The following ANKDD1B variants were observed in gnomAD, a reference collection of about 807,000 sequenced individuals.
The protein encoded by ANKDD1B is ankyrin repeat and death domain containing 1B, also known as ankyrin repeat and death domain-containing protein 1B.
ANKDD1B carries 57 observed loss-of-function variants against 59.7 expected under a neutral mutation model. The observed-to-expected ratio is 0.95, with a 90% CI of 0.77 to 1.19. The LOEUF is 1.19. ANKDD1B is among the 50% of genes most tolerant of loss of function. The pLI is 0.00. For synonymous variants in ANKDD1B, 216 were observed against 239.5 expected (o/e 0.90, Z 0.91); for missense variants, 602 against 641.9 (o/e 0.94, Z 0.67).
intron 5 of ANKDD1B, among the ~76,000 whole-genome samples, chr5:75,627,359 A>G (rs1055185131): frequency 6.6e-6 from 1 of 152,188 alleles, no homozygotes; most frequent in Non-Finnish European, 1.5e-5. Flanking sequence ...TCTTATGTAA[A>G]AGTACCTATG....
intron 8 of ANKDD1B, among the ~76,000 whole-genome samples, chr5:75,653,620 T>C (rs968060757): frequency 3.9e-5 from 6 of 152,244 alleles, no homozygotes; most frequent in Non-Finnish European, 7.3e-5. Flanking sequence ...TCACTGAATG[T>C]TCTTGTTTTT....
At position 75,625,674 on chromosome 5, in the gene ANKDD1B, G is replaced by A. The variant is rs1417829672; in HGVS notation, c.424G>A (p.Ala142Thr). The change falls in exon 4 of 14, where the codon GCC (alanine) becomes ACC (threonine). Residue 142 changes from alanine (A) to threonine (T), a missense_variant. This residue lies in a region of ANKDD1B where 317 missense variants were observed against 304.6 expected (regional missense o/e 1.04). Transcript: ENST00000601380. ...CGGCTTGACAGTAATTCACCTTGCA[G>A]CCTGGTCTGGGAGCCTTGAGGTCAT... ...KHGLTVIHLA[A>T]WSGSLEVMLM... 6.5e-7 allele frequency: 1 copy of A among 1,536,500 alleles called. No individual in the cohort carries two copies. Among genetic ancestry groups the A allele is most frequent in the East Asian group, 2.4e-5 (1 of 40,908 alleles).
intron 5 of ANKDD1B, among the ~76,000 whole-genome samples, chr5:75,628,347 C>G (rs1337843153): frequency 6.6e-6 from 1 of 152,140 alleles, no homozygotes. Flanking sequence ...CTGAGCTATA[C>G]ACTTAATAAT....
chr5:75,617,449 G>T (rs1288759766), intron 2 of ANKDD1B, among the ~76,000 whole-genome samples: 7 of 152,122 alleles, frequency 4.6e-5, no homozygotes, highest in Admixed American at 2.0e-4. Flanking sequence ...TTAAGTGCCG[G>T]GTTTTAGCGG....
In ANKDD1B at chr5:75,611,690, T is replaced by C; in HGVS notation, c.56T>C (p.Leu19Pro). The C allele has an allele frequency of 1.6e-6, 2 of 1,227,302 alleles. No individual in the cohort carries two copies. The highest frequency in any genetic ancestry group is 3.1e-4 in the Middle Eastern group (1 of 3,200). The allele number at this position is 1,227,302 out of a possible 1,614,324, so 76.0% of individuals were successfully genotyped here. A position where few individuals can be genotyped will look rare whatever the true frequency, so the allele number is the denominator to read the frequency against. Residue 19 changes from leucine (L) to proline (P), a missense_variant, in exon 1 of 14, where the codon CTC (leucine) becomes CCC (proline). This residue lies in a region of ANKDD1B where 317 missense variants were observed against 304.6 expected (regional missense o/e 1.04). Transcript: ENST00000601380. ...GGGGCCACGGCAGGGGGGCTGCTGC[T>C]CCGGGCTGCTGCGGCCGCCAAGGGT... The part of the protein sequence containing the change: ...GQGATAGGLL[L>P]RAAAAAKGLR...
chr5:75,617,124 C>T (rs1773735841), intron 2 of ANKDD1B, among the ~76,000 whole-genome samples: 1 of 152,098 alleles, frequency 6.6e-6, no homozygotes, highest in African/African-American at 2.4e-5. Flanking sequence ...AAGGGGAGTG[C>T]ACAGAATCTT....
chr5:75,622,090 T>C (rs970782904), intron 3 of ANKDD1B, among the ~76,000 whole-genome samples: 4 of 152,232 alleles, frequency 2.6e-5, no homozygotes, highest in Non-Finnish European at 5.9e-5. Context: ...ATGGTGAGCC[T>C]TGAGTTTGAC....
In ANKDD1B at chr5:75,671,281, A is replaced by T. The variant is rs1022156444; in HGVS notation, c.*241A>T. Reference sequence around the variant, plus strand: ...CCCATTTCTATCAATCATTTGATGTAATCCATGTAATAAGATAATCTAGGA... The same window carrying T: ...CCCATTTCTATCAATCATTTGATGTTATCCATGTAATAAGATAATCTAGGA... On this transcript the variant is annotated 3_prime_UTR_variant, in exon 14 of 14. Coordinates refer to ENST00000601380, the MANE Select transcript of ANKDD1B (RefSeq NM_001276713.2). 3.2e-6 allele frequency: 1 copy of T among 309,154 alleles called. No homozygotes were observed. Among genetic ancestry groups the T allele is most frequent in the Admixed American group, 5.0e-5 (1 of 19,984 alleles). The allele number at this position is 309,154 out of a possible 1,614,324, so 19.2% of individuals were successfully genotyped here. A position where few individuals can be genotyped will look rare whatever the true frequency, so the allele number is the denominator to read the frequency against.
In ANKDD1B at chr5:75,670,985, CTCG is replaced by C. The variant is rs1775463238; in HGVS notation, c.1535_1537del (p.Arg512del). 5.7e-6 allele frequency: 7 copies of C among 1,225,820 alleles called. No homozygotes were observed. In the Admixed American group the frequency reaches 1.7e-4, roughly 30 times the overall value. The allele number at this position is 1,225,820 out of a possible 1,614,324, so 75.9% of individuals were successfully genotyped here. On this transcript the variant is annotated inframe_deletion, in exon 14 of 14. Transcript: ENST00000601380. ...GTTATCTTATTTTTTCCAGAAAAGA[CTCG>C]TCATTTCAAAAGCAAAACTGACTCA...
intron 2 of ANKDD1B, among the ~76,000 whole-genome samples, chr5:75,617,168 G>A (rs1773736823): frequency 6.6e-6 from 1 of 152,154 alleles, no homozygotes; most frequent in Non-Finnish European, 1.5e-5. Flanking sequence ...TGGGTGGGCA[G>A]TAAAGCCAGC....
At chr5:75,612,708 G>A (rs575343929) in intron 1 of ANKDD1B, among the ~76,000 whole-genome samples, 4 of 152,216 alleles carry the variant, frequency 2.6e-5, no homozygotes, top group Non-Finnish European at 5.9e-5. Flanking sequence ...AAATAAGTAC[G>A]CAAATAAATG....
At chr5:75,634,566 A>G in intron 5 of ANKDD1B, 1 of 186,282 alleles carries the variant, frequency 5.4e-6, no homozygotes, top group Non-Finnish European at 1.1e-5. Context: ...TAACTATGGA[A>G]TAAATAAAGT....
rs534704971 is a variant in ANKDD1B at position 75,667,694 on chromosome 5, T to C, written c.1393+701T>C. On this transcript the variant is annotated intron_variant, in intron 12 of 13. Transcript: ENST00000601380. ...GGAAACATAGAAAGTTTACTTGGCA[T>C]TAATCAACTAATTAGCTTTGAAAAC... 1.4e-4 allele frequency among the ~76,000 whole-genome samples: 21 copies of C among 152,364 alleles called. No individual in the cohort carries two copies. In the South Asian group the frequency reaches 4.4e-3, roughly 32 times the overall value.
Position 75,611,739 on chromosome 5 carries a change from G to A in ANKDD1B, c.105G>A (p.Ala35=). ...AKGLREDLWG[A]AALPWRSLSR... is the part of the protein sequence containing the mutation. ...GTCTCAGGGAAGACCTGTGGGGCGC[G>A]GCCGCCCTGCCTTGGAGGAGCCTGT... is the stretch of plus-strand genomic sequence containing the variant. Residue 35 remains alanine, a synonymous_variant, in exon 1 of 14, where the codon GCG becomes GCA. Coordinates refer to ENST00000601380, the MANE Select transcript of ANKDD1B (RefSeq NM_001276713.2). The A allele has an allele frequency of 8.1e-7, 1 of 1,231,986 alleles. No homozygotes were observed. The highest frequency in any genetic ancestry group is 1.0e-6 in the Non-Finnish European group (1 of 988,086). 76.3% of individuals were successfully genotyped at this position (1,231,986 alleles called of 1,614,324 possible).
At position 75,611,545 on chromosome 5, in the gene ANKDD1B, TGCCTGGGTCTGGATCTGTGTCCGA is replaced by T; in HGVS notation, c.-88_-65del. On this transcript the variant is annotated 5_prime_UTR_variant, in exon 1 of 14. Transcript: ENST00000601380. The stretch of plus-strand genomic sequence containing the variant: ...GCGTCCAGCCCCCGCGCCCTGGGCC[TGCCTGGGTCTGGATCTGTGTCCGA>T]GTCTGGGTCTGGATCTGGGTCCGAG... The T allele has an allele frequency of 9.1e-7, 1 of 1,101,910 alleles. No homozygotes were observed. Among genetic ancestry groups the T allele is most frequent in the Non-Finnish European group, 1.1e-6 (1 of 870,808 alleles). 68.3% of individuals were successfully genotyped at this position (1,101,910 alleles called of 1,614,324 possible). A position where few individuals can be genotyped will look rare whatever the true frequency, so the allele number is the denominator to read the frequency against.
intron 1 of ANKDD1B, 27 bp downstream of exon 1, chr5:75,611,854 A>G (rs1324029429): frequency 4.1e-6 from 5 of 1,231,552 alleles, no homozygotes; most frequent in East Asian, 3.2e-5. Context: ...GGTCTCAGAA[A>G]ATCAGGCTGC....
intron 1 of ANKDD1B, among the ~76,000 whole-genome samples, chr5:75,614,296 A>G (rs1371137653): frequency 3.9e-5 from 6 of 152,184 alleles, no homozygotes; most frequent in Admixed American, 2.6e-4. Flanking sequence ...TGTTACAGAA[A>G]AATCCTGCGC....
chr5:75,667,872 A>T (rs1399964914), intron 12 of ANKDD1B, among the ~76,000 whole-genome samples: 2 of 152,224 alleles, frequency 1.3e-5, no homozygotes, highest in African/African-American at 4.8e-5. Context: ...CCATGAGCAC[A>T]CACTATTTAT....
At chr5:75,629,618 A>C (rs1411991965) in intron 5 of ANKDD1B, among the ~76,000 whole-genome samples, 1 of 152,176 alleles carries the variant, frequency 6.6e-6, no homozygotes, top group East Asian at 1.9e-4. Flanking sequence ...TGCAAAAAAA[A>C]AAATTAAATG....
Sources: gnomAD v4.1 joint callset for allele counts (sites outside exome capture counted in the v4.1 genomes callset) on GRCh38, gnomAD v4.1.1 for gene constraint, gnomAD v4.1.1 regional missense constraint, MANE v1.5 for transcripts, NCBI Gene and HGNC (gene_info 2026-07-23, HGNC 2026-07-21) for gene names.